ARHGAP26: variants seen among roughly 807,000 people sequenced by gnomAD.
ARHGAP26 encodes Rho GTPase activating protein 26.
ARHGAP26 carries 38 observed loss-of-function variants against 104.8 expected under a neutral mutation model. The ratio of observed to expected loss-of-function variants is 0.36; its 90% CI spans 0.28 to 0.48. The LOEUF is 0.48. Ranked by LOEUF, ARHGAP26 falls within the 20% of genes least tolerant of loss-of-function variation. The pLI, the probability that ARHGAP26 is intolerant of heterozygous loss-of-function variation, is 0.99. For synonymous variants in ARHGAP26, 341 were observed against 340.0 expected (o/e 1.00, Z -0.03); for missense variants, 704 against 947.9 (o/e 0.74, Z 3.38).
At chr5:143,022,091 A>T (rs1253332910) in intron 12 of ARHGAP26, among the ~76,000 whole-genome samples, 2 of 151,918 alleles carry the variant, frequency 1.3e-5, no homozygotes, top group Admixed American at 1.3e-4. Context: ...TATTTCATTT[A>T]TTTTTTTGAG....
chr5:142,928,248 T>A (rs10062088), intron 10 of ARHGAP26, among the ~76,000 whole-genome samples: 48,937 of 145,090 alleles, frequency 0.34, 9,069 homozygotes, highest in East Asian at 0.77. Context: ...TTTTTTTTTT[T>A]AAAACTCATT....
At chr5:142,993,167 T>TC (rs1406370893) in intron 11 of ARHGAP26, among the ~76,000 whole-genome samples, 3 of 144,968 alleles carry the variant, frequency 2.1e-5, no homozygotes, top group African/African-American at 7.6e-5. Context: ...GGTTTTTTTT[T>TC]TTTTTTTTTT....
chr5:143,118,574 C>G (rs1795763585), intron 17 of ARHGAP26, among the ~76,000 whole-genome samples: 1 of 152,196 alleles, frequency 6.6e-6, no homozygotes, highest in Non-Finnish European at 1.5e-5. Context: ...AGTTCAAGAC[C>G]AGCCTAGGCA....
intron 1 of ARHGAP26, 60 bp from the exon 2 acceptor site, chr5:142,873,340 A>ATTTTAGT (rs1755614781): frequency 7.4e-7 from 1 of 1,348,688 alleles, no homozygotes; most frequent in East Asian, 2.3e-5. Context: ...TAAGGGCAGC[A>ATTTTAGT]AATCAGAAAG....
rs115153046 is a variant in ARHGAP26 at position 143,110,408 on chromosome 5, C to A, written c.1539-10580C>A. Among the ~76,000 whole-genome samples, 1,049 of 152,300 alleles carry A rather than the reference C, an allele frequency of 6.9e-3. 12 individuals are homozygous for A. The highest frequency in any genetic ancestry group is 0.024 in the African/African-American group (997 of 41,564). On this transcript the variant is annotated intron_variant, in intron 17 of 22. Coordinates refer to ENST00000645722, the MANE Select transcript of ARHGAP26 (RefSeq NM_001135608.3). ...TTGGCCTTTGTGCTGGGTCACCTTG[C>A]ACTTTCTTCGTTGGGTAGAAAGTCC...
chr5:143,060,366 A>G (rs927535682), intron 17 of ARHGAP26, among the ~76,000 whole-genome samples: 7 of 152,184 alleles, frequency 4.6e-5, no homozygotes, highest in Non-Finnish European at 8.8e-5. Context: ...ATTTTCCAAA[A>G]CTGATTTCCC....
chr5:142,770,828 A>C lies in ARHGAP26; in HGVS notation c.67A>C (p.Lys23Gln), dbSNP rs1200997418. The C allele has an allele frequency of 6.2e-7, 1 of 1,610,172 alleles. No homozygotes were observed. Among genetic ancestry groups the C allele is most frequent in the Non-Finnish European group, 8.5e-7 (1 of 1,178,132 alleles). Residue 23 changes from lysine (K) to glutamine (Q), a missense_variant, in exon 1 of 23, where the codon AAG becomes CAG. Physicochemically the swap from Lys to Gln is moderately conservative, Grantham distance 53. Transcript: ENST00000645722. Reference sequence around the variant, plus strand: ...TAGTCCGCACTTCCGAGAGACGCTCAAGTCGCACGAAGCAGAGCTGGACAA... The same window carrying C: ...TAGTCCGCACTTCCGAGAGACGCTCCAGTCGCACGAAGCAGAGCTGGACAA... ...LDSPHFRETL[K>Q]SHEAELDKTN...
At chr5:143,194,172 G>C (rs1806427539) in intron 20 of ARHGAP26, 1 of 152,222 alleles carries the variant, frequency 6.6e-6, no homozygotes, top group Non-Finnish European at 1.5e-5. Context: ...CAGTCTGCCA[G>C]AGTAAGGAAT....
intron 17 of ARHGAP26, among the ~76,000 whole-genome samples, chr5:143,094,718 A>G (rs577220806): frequency 6.6e-6 from 1 of 152,294 alleles, no homozygotes; most frequent in East Asian, 1.9e-4. Flanking sequence ...CCTATTGGCT[A>G]GGGTTAGACA....
intron 12 of ARHGAP26, among the ~76,000 whole-genome samples, chr5:143,031,038 A>T (rs1781764370): frequency 2.0e-5 from 3 of 152,236 alleles, no homozygotes; most frequent in Non-Finnish European, 2.9e-5. Context: ...TTTCTTGAGG[A>T]AAGGACACTT....
intron 11 of ARHGAP26, among the ~76,000 whole-genome samples, chr5:142,970,775 A>G (rs996670694): frequency 3.9e-5 from 6 of 152,230 alleles, no homozygotes; most frequent in Non-Finnish European, 8.8e-5. Context: ...GGACCACTAC[A>G]GCAGTAATCT....
At chr5:143,149,764 AAAAT>A (rs1485288745) in intron 20 of ARHGAP26, among the ~76,000 whole-genome samples, 2 of 152,210 alleles carry the variant, frequency 1.3e-5, no homozygotes, top group Non-Finnish European at 2.9e-5. Context: ...GATGCAGATG[AAAAT>A]AAAGAACAAA....
At chr5:142,820,613 C>T (rs1166687471) in intron 1 of ARHGAP26, among the ~76,000 whole-genome samples, 1 of 152,156 alleles carries the variant, frequency 6.6e-6, no homozygotes, top group Admixed American at 6.5e-5. Context: ...AGGGGTGTAT[C>T]TGTGCAGCAG....
At chr5:143,156,198 T>G (rs548426269) in intron 20 of ARHGAP26, among the ~76,000 whole-genome samples, 1 of 152,364 alleles carries the variant, frequency 6.6e-6, no homozygotes, top group African/African-American at 2.4e-5. Flanking sequence ...TTGGGTAAAT[T>G]AAAAGTACAT....
chr5:143,092,158 G>T (rs796645596), intron 17 of ARHGAP26, among the ~76,000 whole-genome samples: 1,532 of 117,016 alleles, frequency 0.013, 24 homozygotes, highest in East Asian at 0.09. Flanking sequence ...ACATCCCTTT[G>T]TTTTTTTTTT....
chr5:142,809,873 G>A (rs530203827), intron 1 of ARHGAP26, among the ~76,000 whole-genome samples: 1 of 152,302 alleles, frequency 6.6e-6, no homozygotes, highest in African/African-American at 2.4e-5. Flanking sequence ...TTGGTTCTGG[G>A]AATACAGCAT....
At chr5:142,883,883 G>A (rs13176749) in intron 4 of ARHGAP26, among the ~76,000 whole-genome samples, 23,197 of 152,168 alleles carry the variant, frequency 0.15, 3,476 homozygotes, top group East Asian at 0.41. Flanking sequence ...CATTTCTACC[G>A]TGAGGGTTGG....
chr5:143,115,525 G>A (rs148990000), intron 17 of ARHGAP26, among the ~76,000 whole-genome samples: 7 of 151,660 alleles, frequency 4.6e-5, no homozygotes, highest in Non-Finnish European at 7.4e-5. Context: ...GCCCCAAGCA[G>A]AAGCAGGCCA....
rs115356299 is a variant in ARHGAP26 at position 142,884,943 on chromosome 5, G to A, written c.385-355G>A. The stretch of plus-strand genomic sequence containing the variant: ...TGTTAGCTTCATAGGTACCCCCACT[G>A]CTGCTGCTCCCCAGCCCCCAACCCC... On this transcript the variant is annotated intron_variant, in intron 4 of 22. Coordinates refer to ENST00000645722, the MANE Select transcript of ARHGAP26 (RefSeq NM_001135608.3). Among the ~76,000 whole-genome samples, 310 of 152,264 alleles carry A rather than the reference G, an allele frequency of 2.0e-3. 3 individuals are homozygous for A. Among genetic ancestry groups the A allele is most frequent in the African/African-American group, 7.1e-3 (295 of 41,558 alleles).
Sources: gnomAD v4.1 joint callset for allele counts (sites outside exome capture counted in the v4.1 genomes callset) on GRCh38, gnomAD v4.1.1 for gene constraint, MANE v1.5 for transcripts, NCBI Gene and HGNC (gene_info 2026-07-23, HGNC 2026-07-21) for gene names.